PTPRN2: variants seen among roughly 807,000 people sequenced by gnomAD.
PTPRN2 encodes the protein receptor-type tyrosine-protein phosphatase N2.
Under a neutral mutation model 118.8 loss-of-function variants are expected in PTPRN2, and 74 were observed. That is an observed-to-expected ratio of 0.62 (90% CI 0.52 to 0.76). The LOEUF is 0.76. Among genes scored for constraint, PTPRN2 ranks in the 30% least tolerant of loss-of-function variants. The pLI is 0.00. For synonymous variants in PTPRN2, 641 were observed against 608.0 expected (o/e 1.05, Z -0.80); for missense variants, 1,481 against 1,394.4 (o/e 1.06, Z -0.99).
chr7:158,277,138 C>A (rs572680162), intron 3 of PTPRN2, among the ~76,000 whole-genome samples: 129 of 152,378 alleles, frequency 8.5e-4, no homozygotes, highest in Non-Finnish European at 1.3e-3. Flanking sequence ...CCCGCACACG[C>A]ACACACGCGC....
intron 2 of PTPRN2, among the ~76,000 whole-genome samples, chr7:158,407,494 GGTCCTGC>G (rs1813657822): frequency 1.5e-4 from 1 of 6,576 alleles, no homozygotes; most frequent in Non-Finnish European, 3.0e-4. Flanking sequence ...CTGGGTCCTG[GGTCCTGC>G]GTCCTGGGTC....
Position 158,503,627 on chromosome 7 carries a change from T to C in PTPRN2, c.113-13842A>G, listed in dbSNP as rs147580139. Among the ~76,000 whole-genome samples the C allele has an allele frequency of 2.1e-3, 320 of 152,304 alleles. 1 individual carries two copies. Among genetic ancestry groups the C allele is most frequent in the African/African-American group, 7.3e-3 (304 of 41,560 alleles). ...TGAGAGAATGGAAAGAGCTCCTGGT[T>C]ACGAACAAAAAGTTACAGATATTAG... On this transcript the variant is annotated intron_variant, in intron 1 of 22. Coordinates refer to ENST00000389418, the MANE Select transcript of PTPRN2 (RefSeq NM_002847.5).
intron 1 of PTPRN2, among the ~76,000 whole-genome samples, chr7:158,556,710 G>T (rs1196267264): frequency 1.4e-5 from 2 of 145,570 alleles, no homozygotes; most frequent in African/African-American, 5.1e-5. Context: ...CAGGTCAGAC[G>T]GCTCCCGGGC....
At chr7:158,387,506 CGA>C (rs1811502976) in intron 2 of PTPRN2, among the ~76,000 whole-genome samples, 1 of 152,290 alleles carries the variant, frequency 6.6e-6, no homozygotes. Context: ...GATCGGGTTA[CGA>C]TGTTGGAAAG....
At chr7:158,103,134 C>A (rs752143190) in intron 10 of PTPRN2, among the ~76,000 whole-genome samples, 2 of 152,208 alleles carry the variant, frequency 1.3e-5, no homozygotes, top group African/African-American at 2.4e-5. Context: ...TCATTGGCTG[C>A]AGTCAGTGTG....
At chr7:158,372,069 G>A (rs1033134409) in intron 2 of PTPRN2, among the ~76,000 whole-genome samples, 1 of 152,200 alleles carries the variant, frequency 6.6e-6, no homozygotes, top group Non-Finnish European at 1.5e-5. Flanking sequence ...CACCTTCCGG[G>A]GATGAGCACC....
At chr7:157,828,241 C>G (rs1397224952) in intron 12 of PTPRN2, among the ~76,000 whole-genome samples, 1 of 152,218 alleles carries the variant, frequency 6.6e-6, no homozygotes, top group Non-Finnish European at 1.5e-5. Context: ...TCTCCCTTTT[C>G]CAACCTGTCC....
chr7:158,567,541 C>G (rs1295991979), intron 1 of PTPRN2, among the ~76,000 whole-genome samples: 1 of 152,222 alleles, frequency 6.6e-6, no homozygotes, highest in Non-Finnish European at 1.5e-5. Flanking sequence ...CCACGTGCTA[C>G]GCCCAGGCTG....
intron 12 of PTPRN2, among the ~76,000 whole-genome samples, chr7:157,724,635 T>C (rs937763731): frequency 5.9e-5 from 9 of 152,212 alleles, no homozygotes; most frequent in African/African-American, 1.9e-4. Context: ...CTCAGAACAC[T>C]CATGCAAGCC....
intron 9 of PTPRN2, among the ~76,000 whole-genome samples, chr7:158,116,387 C>A (rs1461749132): frequency 6.6e-6 from 1 of 152,190 alleles, no homozygotes; most frequent in Non-Finnish European, 1.5e-5. Flanking sequence ...AACTCTGAAG[C>A]CTAATGAAGG....
rs1273153564 is a variant in PTPRN2, at chr7:157,690,786, C to G, written c.1789-7849G>C. Reference sequence around the variant, plus strand: ...CGCTGCTCCAGCAGCAGCGGCTGCGCGGCGGCACGGGCTCGGAGCCCGCAG... The same window carrying G: ...CGCTGCTCCAGCAGCAGCGGCTGCGGGGCGGCACGGGCTCGGAGCCCGCAG... On this transcript the variant is annotated intron_variant, in intron 12 of 22. Transcript: ENST00000389418. The surrounding 1 kb of genome is among the most constrained non-coding windows in gnomAD (Gnocchi z 7.1). Among the ~76,000 whole-genome samples the G allele has an allele frequency of 6.6e-6, 1 of 150,400 alleles. No individual in the cohort carries two copies. Among genetic ancestry groups the G allele is most frequent in the Non-Finnish European group, 1.5e-5 (1 of 67,470 alleles).
rs1398255908 is a variant in PTPRN2 at position 157,990,252 on chromosome 7, A to G, written c.1723+91046T>C. Among the ~76,000 whole-genome samples, 1 of 152,114 alleles carries G rather than the reference A, an allele frequency of 6.6e-6. No homozygotes were observed. The highest frequency in any genetic ancestry group is 6.5e-5 in the Admixed American group (1 of 15,276). On this transcript the variant is annotated intron_variant, in intron 11 of 22. Coordinates refer to ENST00000389418, the MANE Select transcript of PTPRN2 (RefSeq NM_002847.5). This position sits in a 1 kb window ranked among gnomAD's most constrained non-coding sequence, Gnocchi z 4.3. ...GGAAGACCGGGCACTCGTGGAGTTC[A>G]ACAGATCATAAGCAGGATCCAGGGT...
At chr7:158,417,472 T>C (rs189804365) in intron 2 of PTPRN2, among the ~76,000 whole-genome samples, 2 of 149,556 alleles carry the variant, frequency 1.3e-5, no homozygotes, top group South Asian at 2.1e-4. Context: ...TGTCATGGTG[T>C]ACTACATCGA....
chr7:157,772,477 G>C (rs1053206080), intron 12 of PTPRN2, among the ~76,000 whole-genome samples: 12 of 152,232 alleles, frequency 7.9e-5, no homozygotes, highest in African/African-American at 2.9e-4. Context: ...GAGCCCAGCA[G>C]AGTCCTGCTC....
rs1229041394 is a variant in PTPRN2, at chr7:157,787,704, G to A, written c.1789-104767C>T. ...CTGTGGGAGACGGGGTGGTGTTTGA[G>A]CTGGTGCCATCTGGGTCCCCTGGGG... On this transcript the variant is annotated intron_variant, in intron 12 of 22. Transcript: ENST00000389418. The surrounding 1 kb of genome is among the most constrained non-coding windows in gnomAD (Gnocchi z 5.3). Among the ~76,000 whole-genome samples the A allele has an allele frequency of 1.3e-5, 2 of 152,196 alleles. No homozygotes were observed. The highest frequency in any genetic ancestry group is 2.4e-5 in the African/African-American group (1 of 41,450).
intron 1 of PTPRN2, among the ~76,000 whole-genome samples, chr7:158,507,355 G>T (rs1173857058): frequency 6.6e-6 from 1 of 150,804 alleles, no homozygotes; most frequent in Non-Finnish European, 1.5e-5. Context: ...TCACACACAT[G>T]GAGGTCAGTG....
chr7:157,801,125 C>T lies in PTPRN2; in HGVS notation c.1788+97548G>A, dbSNP rs1466700162. Among the ~76,000 whole-genome samples, 1 of 151,648 alleles carries T rather than the reference C, an allele frequency of 6.6e-6. No individual in the cohort carries two copies. The highest frequency in any genetic ancestry group is 1.5e-5 in the Non-Finnish European group (1 of 67,944). On this transcript the variant is annotated intron_variant, in intron 12 of 22. Coordinates refer to ENST00000389418, the MANE Select transcript of PTPRN2 (RefSeq NM_002847.5). The surrounding 1 kb of genome is among the most constrained non-coding windows in gnomAD (Gnocchi z 4.2). ...TGCACATATATATGAATACCCAATA[C>T]CCAATCCACAGCTTTCTCTTTGTGG...
rs932769280 is a variant in PTPRN2 at position 157,785,490 on chromosome 7, G to T, written c.1789-102553C>A. On this transcript the variant is annotated intron_variant, in intron 12 of 22. Coordinates refer to ENST00000389418, the MANE Select transcript of PTPRN2 (RefSeq NM_002847.5). The surrounding 1 kb of genome is among the most constrained non-coding windows in gnomAD (Gnocchi z 7.3). ...CACTCCCAGACTAGAGCCAGCACTCGCGGGCAGGCCTCCCCAGGACCAGAG... is the reference window on the plus strand; with the variant it reads ...CACTCCCAGACTAGAGCCAGCACTCTCGGGCAGGCCTCCCCAGGACCAGAG... 6.6e-6 allele frequency among the ~76,000 whole-genome samples: 1 copy of T among 152,166 alleles called. No homozygotes were observed. The highest frequency in any genetic ancestry group is 2.4e-5 in the African/African-American group (1 of 41,442).
intron 2 of PTPRN2, among the ~76,000 whole-genome samples, chr7:158,449,531 T>C (rs568091439): frequency 2.0e-5 from 3 of 147,580 alleles, no homozygotes; most frequent in African/African-American, 7.8e-5. Context: ...GCGGGCCGAG[T>C]CCAAACAAAC....
Sources: gnomAD v4.1 joint callset for allele counts (sites outside exome capture counted in the v4.1 genomes callset) on GRCh38, gnomAD v4.1.1 for gene constraint, Gnocchi (gnomAD v3.1) non-coding constraint, MANE v1.5 for transcripts, NCBI Gene and HGNC (gene_info 2026-07-23, HGNC 2026-07-21) for gene names.